HS6ST3: variants seen among roughly 807,000 people sequenced by gnomAD.
The protein encoded by HS6ST3 is heparan-sulfate 6-O-sulfotransferase 3.
In HS6ST3, 12 loss-of-function variants were observed where a neutral mutation model predicts 36.7. The ratio of observed to expected loss-of-function variants is 0.33; its 90% CI spans 0.21 to 0.53. The LOEUF (loss-of-function observed/expected upper bound fraction) is 0.53, where lower values mean the gene tolerates loss of function less well. Ranked by LOEUF, HS6ST3 falls within the 20% of genes least tolerant of loss-of-function variation. HS6ST3 has a pLI of 0.95. For synonymous variants in HS6ST3, 240 were observed against 257.5 expected (o/e 0.93, Z 0.65); for missense variants, 584 against 640.9 (o/e 0.91, Z 0.96).
At chr13:96,327,577 C>T (rs2055039834) in intron 1 of HS6ST3, among the ~76,000 whole-genome samples, 1 of 151,994 alleles carries the variant, frequency 6.6e-6, no homozygotes, top group South Asian at 2.1e-4. Context: ...GTTTTGGTTA[C>T]TGTAGCCTTG....
intron 1 of HS6ST3, among the ~76,000 whole-genome samples, chr13:96,539,474 G>C (rs1006851830): frequency 2.6e-5 from 4 of 151,924 alleles, no homozygotes; most frequent in African/African-American, 7.3e-5. Context: ...TCCTGCTTCA[G>C]CCTCCCAAGT....
At chr13:96,166,110 T>G (rs1261787009) in intron 1 of HS6ST3, among the ~76,000 whole-genome samples, 3 of 151,764 alleles carry the variant, frequency 2.0e-5, no homozygotes, top group African/African-American at 4.8e-5. Flanking sequence ...AGTGCAGTGG[T>G]GCAATTATAG....
At chr13:96,681,610 A>T (rs644687) in intron 1 of HS6ST3, among the ~76,000 whole-genome samples, 5 of 152,094 alleles carry the variant, frequency 3.3e-5, no homozygotes, top group African/African-American at 7.2e-5. Flanking sequence ...TCTTAGCAAC[A>T]GATTATTTCT....
At chr13:96,188,738 G>C (rs76407908) in intron 1 of HS6ST3, among the ~76,000 whole-genome samples, 1,639 of 152,142 alleles carry the variant, frequency 0.011, 34 homozygotes, top group African/African-American at 0.038. Flanking sequence ...TGTCATTATA[G>C]TTATTAATGT....
At chr13:96,213,527 A>ATT (rs375188560) in intron 1 of HS6ST3, among the ~76,000 whole-genome samples, 17 of 145,302 alleles carry the variant, frequency 1.2e-4, no homozygotes, top group African/African-American at 3.0e-4. Context: ...GTGTAGGACA[A>ATT]TTTTTTTTTT....
chr13:96,799,784 TA>T (rs141104397), intron 1 of HS6ST3, among the ~76,000 whole-genome samples: 21,575 of 139,870 alleles, frequency 0.15, 2,630 homozygotes, highest in African/African-American at 0.35. Context: ...AGTATAATAA[TA>T]AAAAAAAAAA....
intron 1 of HS6ST3, among the ~76,000 whole-genome samples, chr13:96,419,206 T>C (rs980231860): frequency 6.6e-5 from 10 of 152,244 alleles, no homozygotes; most frequent in Admixed American, 4.6e-4. Context: ...TCAGTTAAAA[T>C]GTAATTAGTC....
At chr13:96,498,489 G>T (rs118157904) in intron 1 of HS6ST3, among the ~76,000 whole-genome samples, 2 of 152,122 alleles carry the variant, frequency 1.3e-5, no homozygotes, top group Non-Finnish European at 2.9e-5. Flanking sequence ...CAGTTTAAAT[G>T]TCTCCTCCTG....
At chr13:96,287,748 C>G (rs2054810460) in intron 1 of HS6ST3, among the ~76,000 whole-genome samples, 1 of 152,076 alleles carries the variant, frequency 6.6e-6, no homozygotes, top group African/African-American at 2.4e-5. Flanking sequence ...AGTCTTCCTT[C>G]TTAGCTTCTG....
intron 1 of HS6ST3, among the ~76,000 whole-genome samples, chr13:96,250,612 C>A (rs2054603423): frequency 6.6e-6 from 1 of 152,164 alleles, no homozygotes; most frequent in Non-Finnish European, 1.5e-5. Context: ...TTTCACACTT[C>A]CAGCTTCCAG....
At chr13:96,260,883 G>C (rs955765841) in intron 1 of HS6ST3, among the ~76,000 whole-genome samples, 5 of 151,610 alleles carry the variant, frequency 3.3e-5, no homozygotes, top group Non-Finnish European at 5.9e-5. Flanking sequence ...CAAGTGATCC[G>C]CCCTCCTTGG....
At chr13:96,784,562 T>A (rs1403903115) in intron 1 of HS6ST3, among the ~76,000 whole-genome samples, 1 of 152,122 alleles carries the variant, frequency 6.6e-6, no homozygotes, top group East Asian at 1.9e-4. Context: ...TGCTTAGAAA[T>A]TAGTGGAGAA....
At chr13:96,375,856 A>G (rs2055312100) in intron 1 of HS6ST3, among the ~76,000 whole-genome samples, 1 of 152,178 alleles carries the variant, frequency 6.6e-6, no homozygotes, top group African/African-American at 2.4e-5. Flanking sequence ...ATTTCATTAG[A>G]CCCTGGGAAG....
At chr13:96,792,968 C>T (rs925398563) in intron 1 of HS6ST3, among the ~76,000 whole-genome samples, 2 of 152,030 alleles carry the variant, frequency 1.3e-5, no homozygotes, top group African/African-American at 4.8e-5. Flanking sequence ...CTCGGCACCA[C>T]GCCAATTTGT....
intron 1 of HS6ST3, among the ~76,000 whole-genome samples, chr13:96,359,034 G>T (rs1021164636): frequency 5.3e-5 from 8 of 152,014 alleles, no homozygotes; most frequent in Non-Finnish European, 1.2e-4. Context: ...AAAATGAAAA[G>T]AAAAATATAA....
At chr13:96,115,322 C>T (rs2053888828) in intron 1 of HS6ST3, among the ~76,000 whole-genome samples, 1 of 152,130 alleles carries the variant, frequency 6.6e-6, no homozygotes, top group Non-Finnish European at 1.5e-5. Flanking sequence ...ACAGAATGTA[C>T]AGGTTTGTTA....
At chr13:96,217,768 G>A (rs1429891871) in intron 1 of HS6ST3, among the ~76,000 whole-genome samples, 1 of 152,090 alleles carries the variant, frequency 6.6e-6, no homozygotes, top group East Asian at 1.9e-4. Context: ...GTGTGACTAT[G>A]TATGTATATA....
At chr13:96,138,776 G>A (rs1372514675) in intron 1 of HS6ST3, among the ~76,000 whole-genome samples, 1 of 151,824 alleles carries the variant, frequency 6.6e-6, no homozygotes, top group Non-Finnish European at 1.5e-5. Context: ...TAATTACATG[G>A]GAAGTACTTA....
At chr13:96,630,632 T>G (rs2056528853) in intron 1 of HS6ST3, among the ~76,000 whole-genome samples, 1 of 152,088 alleles carries the variant, frequency 6.6e-6, no homozygotes, top group South Asian at 2.1e-4. Flanking sequence ...TCCTATACCC[T>G]GACAAGCTAC....
Sources: gnomAD v4.1 joint callset for allele counts (sites outside exome capture counted in the v4.1 genomes callset) on GRCh38, gnomAD v4.1.1 for gene constraint, MANE v1.5 for transcripts, NCBI Gene and HGNC (gene_info 2026-07-23, HGNC 2026-07-21) for gene names.